GUCY2C: variants seen among roughly 807,000 people sequenced by gnomAD.
The protein encoded by GUCY2C is guanylyl cyclase C.
In GUCY2C, 118 loss-of-function variants were observed where a neutral mutation model predicts 131.1. The ratio of observed to expected loss-of-function variants is 0.90; its 90% CI spans 0.78 to 1.05. The LOEUF is 1.05. Ranked by LOEUF, GUCY2C falls within the 50% of genes least tolerant of loss-of-function variation. The pLI, the probability that GUCY2C is intolerant of heterozygous loss-of-function variation, is 0.00. For missense variants in GUCY2C, 1,161 were observed against 1,304.4 expected, an observed-to-expected ratio of 0.89 and a Z score of 1.69; for synonymous variants, 452 against 457.8, an observed-to-expected ratio of 0.99 and a Z score of 0.16.
At chr12:14,670,441 A>T (rs896454116) in intron 9 of GUCY2C, among the ~76,000 whole-genome samples, 1 of 152,188 alleles carries the variant, frequency 6.6e-6, no homozygotes, top group Non-Finnish European at 1.5e-5. Context: ...TCATTTGCCA[A>T]TGGAAATATT....
At chr12:14,621,287 T>G in intron 22 of GUCY2C, 71 bp from the exon 23 acceptor site, 1 of 1,324,512 alleles carries the variant, frequency 7.5e-7, no homozygotes, top group Non-Finnish European at 1.1e-6. Context: ...AAGCAGTTAA[T>G]CACATGTCAA....
At chr12:14,640,041 C>A in intron 18 of GUCY2C, 91 bp from the exon 19 acceptor site, 2 of 848,266 alleles carry the variant, frequency 2.4e-6, no homozygotes, top group East Asian at 2.5e-5. Context: ...GATTCACTCC[C>A]CTGGATGGCT....
At chr12:14,639,171 G>T (rs11056072) in intron 19 of GUCY2C, among the ~76,000 whole-genome samples, 2 of 151,776 alleles carry the variant, frequency 1.3e-5, no homozygotes, top group African/African-American at 4.8e-5. Flanking sequence ...GGTGGCAGGC[G>T]CCTGTAGTCC....
At chr12:14,635,033 T>G (rs561971382) in intron 19 of GUCY2C, among the ~76,000 whole-genome samples, 47 of 152,240 alleles carry the variant, frequency 3.1e-4, no homozygotes, top group African/African-American at 1.1e-3. Flanking sequence ...ACTTCAACAC[T>G]CCACTCTCAG....
chr12:14,639,353 C>A (rs1335521729), intron 19 of GUCY2C, among the ~76,000 whole-genome samples: 2 of 151,418 alleles, frequency 1.3e-5, no homozygotes, highest in Non-Finnish European at 2.9e-5. Context: ...TAGAAGCCAG[C>A]TCATTCCTGA....
intron 26 of GUCY2C, among the ~76,000 whole-genome samples, chr12:14,614,064 A>G (rs1946705892): frequency 6.6e-6 from 1 of 152,158 alleles, no homozygotes; most frequent in Non-Finnish European, 1.5e-5. Context: ...CTCAACAGAA[A>G]GATGAAGACA....
At chr12:14,667,111 C>T (rs1339082663) in intron 10 of GUCY2C, among the ~76,000 whole-genome samples, 2 of 152,098 alleles carry the variant, frequency 1.3e-5, no homozygotes, top group Non-Finnish European at 2.9e-5. Flanking sequence ...AGAAGTTCAG[C>T]ACTTTAGAAA....
intron 15 of GUCY2C, among the ~76,000 whole-genome samples, chr12:14,649,952 C>T (rs1947608560): frequency 6.6e-6 from 1 of 151,988 alleles, no homozygotes; most frequent in Admixed American, 6.6e-5. Context: ...TGAAACTTTC[C>T]CTTTTTAAAG....
rs188211849 is a variant in GUCY2C at position 14,673,646 on chromosome 12, T to C, written c.1085-688A>G. On this transcript the variant is annotated intron_variant, in intron 8 of 26. Coordinates refer to ENST00000261170, the MANE Select transcript of GUCY2C (RefSeq NM_004963.4). ...GAGAAATAATTTATTTAGTCAGAGA[T>C]ATTAAGGGTCGTACGGCTGGTAGGT... Among the ~76,000 whole-genome samples, 108 of 152,350 alleles carry C rather than the reference T, an allele frequency of 7.1e-4. 1 individual carries two copies. Among genetic ancestry groups the C allele is most frequent in the African/African-American group, 2.6e-3 (107 of 41,574 alleles).
In GUCY2C at chr12:14,672,924, C is replaced by A; in HGVS notation, c.1119G>T (p.Gly373=). The A allele has an allele frequency of 6.2e-7, 1 of 1,608,590 alleles. No homozygotes were observed. The highest frequency in any genetic ancestry group is 8.5e-7 in the Non-Finnish European group (1 of 1,175,012). Residue 373 remains glycine (G), a synonymous_variant, in exon 9 of 27, where the codon GGG becomes GGT. Transcript: ENST00000261170. ...GAAGCACCATGGTACTGTCAACATC[C>A]CCCCAGTCATCCAAGGTCACTGGAC... ...YDGPVTLDDW[G]DVDSTMVLLY...
intron 24 of GUCY2C, among the ~76,000 whole-genome samples, chr12:14,617,938 C>T (rs1392035088): frequency 1.3e-5 from 2 of 152,166 alleles, no homozygotes; most frequent in East Asian, 3.9e-4. Flanking sequence ...CTGACCCCAA[C>T]CTTATCCTTT....
chr12:14,685,848 A>G (rs1234323591), intron 3 of GUCY2C, among the ~76,000 whole-genome samples: 3 of 152,128 alleles, frequency 2.0e-5, no homozygotes, highest in African/African-American at 7.2e-5. Flanking sequence ...TTTTGTGAAT[A>G]TTTTATTTAT....
intron 21 of GUCY2C, among the ~76,000 whole-genome samples, chr12:14,622,721 A>G (rs1053070173): frequency 6.6e-6 from 1 of 152,208 alleles, no homozygotes; most frequent in South Asian, 2.1e-4. Flanking sequence ...ATAAATTTTG[A>G]TATATTCTGA....
At chr12:14,683,402 GGTGTCTTT>G in intron 3 of GUCY2C, 145 bp from the exon 4 acceptor site, 1 of 615,114 alleles carries the variant, frequency 1.6e-6, no homozygotes, top group Non-Finnish European at 2.9e-6. Flanking sequence ...CATGTATATA[GGTGTCTTT>G]CTCATACAGC....
chr12:14,616,761 C>A (rs1278391390), intron 24 of GUCY2C, 34 bp from the exon 25 acceptor site: 1 of 1,156,198 alleles, frequency 8.6e-7, no homozygotes, highest in Non-Finnish European at 1.3e-6. Flanking sequence ...AAAATCCCAG[C>A]TAGTACACAG....
At chr12:14,645,195 A>G (rs766315657) in intron 16 of GUCY2C, 34 bp downstream of exon 16, 10 of 1,113,710 alleles carry the variant, frequency 9.0e-6, no homozygotes, top group Non-Finnish European at 1.3e-5. Flanking sequence ...CTTATATTTA[A>G]TTTTCATATT....
chr12:14,630,563 G>A (rs1237158350), intron 19 of GUCY2C, among the ~76,000 whole-genome samples: 1 of 152,112 alleles, frequency 6.6e-6, no homozygotes, highest in East Asian at 1.9e-4. Context: ...TTTACATCAT[G>A]TTAGGGATTA....
At position 14,621,187 on chromosome 12, in the gene GUCY2C, C is replaced by T. The variant is rs549776126; in HGVS notation, c.2631G>A (p.Val877=). 1.4e-5 allele frequency: 22 copies of T among 1,613,690 alleles called. No individual in the cohort carries two copies. The African/African-American group carries it at 1.9e-4, about 14-fold the overall frequency. Residue 877 remains valine (V), a synonymous_variant, in exon 23 of 27, where the codon GTG becomes GTA. Transcript: ENST00000261170. ...KVETIGDAYM[V]ASGLPKRNGN... Reference sequence around the variant, plus strand: ...CATTTCTCTTAGGCAAACCACTAGCCACCATGTACGCATCACCGATGGTTT... The same window carrying T: ...CATTTCTCTTAGGCAAACCACTAGCTACCATGTACGCATCACCGATGGTTT...
Position 14,613,090 on chromosome 12 carries a change from G to T in GUCY2C, c.*27C>A, listed in dbSNP as rs200381183. 2 of 1,586,432 alleles carry T rather than the reference G, an allele frequency of 1.3e-6. No homozygotes were observed. Among genetic ancestry groups the T allele is most frequent in the Non-Finnish European group, 1.7e-6 (2 of 1,155,770 alleles). ...CCTCAGTGCAGCTGTATTTTAATTT[G>T]TGTGAGTCCTTATACCTCATTTAGG... On this transcript the variant is annotated 3_prime_UTR_variant, in exon 27 of 27. Coordinates refer to ENST00000261170, the MANE Select transcript of GUCY2C (RefSeq NM_004963.4). This position sits in a 1 kb window ranked among gnomAD's most constrained non-coding sequence, Gnocchi z 4.9.
Sources: gnomAD v4.1 joint callset for allele counts (sites outside exome capture counted in the v4.1 genomes callset) on GRCh38, gnomAD v4.1.1 for gene constraint, Gnocchi (gnomAD v3.1) non-coding constraint, MANE v1.5 for transcripts, NCBI Gene and HGNC (gene_info 2026-07-23, HGNC 2026-07-21) for gene names.